Variants in RADX observed in about 807,000 individuals in gnomAD.
RADX encodes the protein RPA1 related single stranded DNA binding protein, X-linked.
A neutral mutation model predicts 61.6 loss-of-function variants in RADX; 36 were observed. The observed-to-expected ratio is 0.58, with a 90% CI of 0.45 to 0.77. The LOEUF (loss-of-function observed/expected upper bound fraction) is 0.77. RADX is among the 30% of genes least tolerant of loss of function. The probability of loss-of-function intolerance (pLI) is 0.00; values close to 1 mark genes in which losing one functional copy is unlikely to be tolerated. For synonymous variants in RADX, 272 were observed against 237.9 expected, an observed-to-expected ratio of 1.14 and a Z score of -1.32; for missense variants, 497 against 651.1, an observed-to-expected ratio of 0.76 and a Z score of 2.58.
At chrX:106,618,203 G>A (rs2147610266) in intron 1 of RADX, among the ~76,000 whole-genome samples, 1 of 110,983 alleles carries the variant, frequency 9.0e-6, no homozygotes, top group Non-Finnish European at 1.9e-5. Flanking sequence ...ACAACATCTA[G>A]TTTCCAACAT....
At chrX:106,675,789 C>G (rs1172673982) in intron 13 of RADX, among the ~76,000 whole-genome samples, 1 of 111,674 alleles carries the variant, frequency 9.0e-6, no homozygotes, top group Admixed American at 9.5e-5. Flanking sequence ...ATCTATAGTC[C>G]TTTTTAAAGA....
chrX:106,631,670 C>T (rs1469744215), intron 3 of RADX, among the ~76,000 whole-genome samples: 2 of 97,195 alleles, frequency 2.1e-5, no homozygotes, highest in Non-Finnish European at 4.1e-5. Flanking sequence ...TGCCACTACA[C>T]TCCAGCCTGG....
chrX:106,646,384 A>C (rs957037651), intron 10 of RADX, among the ~76,000 whole-genome samples: 11 of 110,986 alleles, frequency 9.9e-5, no homozygotes, highest in African/African-American at 3.6e-4. Flanking sequence ...ATGAAGTCCT[A>C]ACCCTCAGGA....
At chrX:106,672,687 G>C (rs1367929817) in intron 13 of RADX, among the ~76,000 whole-genome samples, 2 of 111,883 alleles carry the variant, frequency 1.8e-5, no homozygotes, top group Non-Finnish European at 3.8e-5. Context: ...CGGTGGCAAA[G>C]CCAGACAGGC....
chrX:106,658,290 G>T (rs146563780), intron 11 of RADX, among the ~76,000 whole-genome samples: 301 of 111,624 alleles, frequency 2.7e-3, no homozygotes, highest in African/African-American at 9.4e-3. Context: ...GAAATGAGAA[G>T]AGTCAAGGAT....
intron 3 of RADX, among the ~76,000 whole-genome samples, chrX:106,629,299 A>G (rs2037043283): frequency 8.9e-6 from 1 of 112,042 alleles, no homozygotes; most frequent in South Asian, 3.7e-4. Flanking sequence ...CGGAATATGC[A>G]AACTATGATG....
chrX:106,647,453 G>T (rs1927687439), intron 10 of RADX, among the ~76,000 whole-genome samples: 1 of 110,804 alleles, frequency 9.0e-6, no homozygotes, highest in Non-Finnish European at 1.9e-5. Context: ...CAACAAACAT[G>T]GAAGTGCAGC....
intron 3 of RADX, among the ~76,000 whole-genome samples, chrX:106,628,516 G>T (rs1400853160): frequency 1.8e-5 from 2 of 111,448 alleles, no homozygotes; most frequent in Non-Finnish European, 3.8e-5. Context: ...GTCAGTAAAG[G>T]AATAAGGATT....
intron 3 of RADX, among the ~76,000 whole-genome samples, chrX:106,628,087 C>T (rs1197421605): frequency 2.7e-5 from 3 of 111,203 alleles, no homozygotes; most frequent in Admixed American, 1.9e-4. Context: ...CTACCTGCCT[C>T]GGCCTCTCAA....
At chrX:106,675,223 A>G (rs1482430166) in intron 13 of RADX, among the ~76,000 whole-genome samples, 1 of 112,264 alleles carries the variant, frequency 8.9e-6, no homozygotes, top group Non-Finnish European at 1.9e-5. Context: ...AAACAATTTT[A>G]TTATTCTCTA....
intron 10 of RADX, among the ~76,000 whole-genome samples, chrX:106,647,091 TA>T (rs1397924671): frequency 9.1e-6 from 1 of 110,473 alleles, no homozygotes; most frequent in Admixed American, 9.7e-5. Context: ...TCATTCTTTC[TA>T]TATTTTTGTA....
At chrX:106,619,971 T>C (rs1459556456) in intron 1 of RADX, among the ~76,000 whole-genome samples, 1 of 111,948 alleles carries the variant, frequency 8.9e-6, no homozygotes, top group Non-Finnish European at 1.9e-5. Context: ...GCTATGATTT[T>C]TACGGTATGG....
intron 11 of RADX, among the ~76,000 whole-genome samples, chrX:106,660,158 C>T (rs1428961956): frequency 9.0e-6 from 1 of 111,633 alleles, no homozygotes; most frequent in African/African-American, 3.3e-5. Flanking sequence ...TCCCAATCAT[C>T]AATTTAGTCC....
chrX:106,649,088 C>A (rs1227456470), intron 11 of RADX, among the ~76,000 whole-genome samples: 1 of 111,122 alleles, frequency 9.0e-6, no homozygotes, highest in Non-Finnish European at 1.9e-5. Context: ...TTTTTAGAAA[C>A]ATCTGTCCTT....
At chrX:106,618,851 C>T (rs1486291305) in intron 1 of RADX, among the ~76,000 whole-genome samples, 1 of 111,097 alleles carries the variant, frequency 9.0e-6, no homozygotes, top group East Asian at 2.8e-4. Context: ...TTGTCCATCC[C>T]TTTATTTCCA....
intron 1 of RADX, among the ~76,000 whole-genome samples, chrX:106,618,240 T>C (rs1926858802): frequency 9.0e-6 from 1 of 111,557 alleles, no homozygotes; most frequent in Admixed American, 9.5e-5. Context: ...TTTGTCGTTT[T>C]TTTTAATGGA....
Position 106,640,545 on chromosome X carries a change from G to A in RADX, c.1735-7G>A. On this transcript the variant is annotated splice_region_variant and splice_polypyrimidine_tract_variant and intron_variant, in intron 9 of 13. Coordinates refer to ENST00000372548, the MANE Select transcript of RADX (RefSeq NM_018015.6). ...CTAAAGTGTTTTCTCTAAATTATTG[G>A]TTTTAGAATGCTAACAGACCCTCGA... 2 of 1,152,121 alleles carry A rather than the reference G, an allele frequency of 1.7e-6. No homozygotes were observed. Among genetic ancestry groups the A allele is most frequent in the Non-Finnish European group, 1.2e-6 (1 of 862,856 alleles). The allele number at this position is 1,152,121 out of a possible 1,213,427, so 94.9% of individuals were successfully genotyped here.
chrX:106,644,467 GT>G (rs1214267991), intron 10 of RADX, among the ~76,000 whole-genome samples: 6 of 110,944 alleles, frequency 5.4e-5, no homozygotes, highest in African/African-American at 1.6e-4. Context: ...CTTTTTGAGG[GT>G]TTTTATCATG....
intron 11 of RADX, among the ~76,000 whole-genome samples, chrX:106,652,746 C>T (rs896326377): frequency 9.4e-6 from 1 of 106,432 alleles, no homozygotes; most frequent in African/African-American, 3.4e-5. Context: ...CCAGGATAAA[C>T]GATATCTTAA....
Sources: gnomAD v4.1 joint callset for allele counts (sites outside exome capture counted in the v4.1 genomes callset) on GRCh38, gnomAD v4.1.1 for gene constraint, MANE v1.5 for transcripts, NCBI Gene and HGNC (gene_info 2026-07-23, HGNC 2026-07-21) for gene names.